TNKS: variants seen among roughly 807,000 people sequenced by gnomAD.
TNKS encodes the protein poly [ADP-ribose] polymerase tankyrase-1.
In TNKS, 72 loss-of-function variants were observed where a neutral mutation model predicts 135.8. The observed-to-expected ratio is 0.53, with a 90% CI of 0.44 to 0.64. The LOEUF (loss-of-function observed/expected upper bound fraction) is 0.64. Among genes scored for constraint, TNKS ranks in the 30% least tolerant of loss-of-function variants. TNKS has a pLI of 0.00. For synonymous variants in TNKS, 849 were observed against 649.3 expected (o/e 1.31, Z -4.68); for missense variants, 1,769 against 1,674.0 (o/e 1.06, Z -0.99).
At chr8:9,586,902 A>G (rs1798402562) in intron 2 of TNKS, among the ~76,000 whole-genome samples, 1 of 152,076 alleles carries the variant, frequency 6.6e-6, no homozygotes, top group Non-Finnish European at 1.5e-5. Flanking sequence ...TGCGAAGAAC[A>G]ATGAAACAGG....
At chr8:9,662,227 C>T (rs572969837) in intron 3 of TNKS, among the ~76,000 whole-genome samples, 12 of 152,318 alleles carry the variant, frequency 7.9e-5, no homozygotes, top group African/African-American at 2.9e-4. Flanking sequence ...CCATTTGACG[C>T]AGCCATCCCA....
At chr8:9,732,814 G>C (rs1805511675) in intron 14 of TNKS, among the ~76,000 whole-genome samples, 1 of 152,006 alleles carries the variant, frequency 6.6e-6, no homozygotes, top group African/African-American at 2.4e-5. Context: ...GAATTACCTG[G>C]ATTATGAATT....
In TNKS at chr8:9,564,169, C is replaced by A. The variant is rs1156834871; in HGVS notation, c.673+7557C>A. Among the ~76,000 whole-genome samples the A allele has an allele frequency of 2.0e-5, 3 of 152,246 alleles. No homozygotes were observed. The East Asian group carries it at 5.8e-4, about 29-fold the overall frequency. ...GGCATTTTATAGATAAAGTCTCTTC[C>A]TGATAGATTACTATTTAGTCTTTTT... is the stretch of plus-strand genomic sequence containing the variant. On this transcript the variant is annotated intron_variant, in intron 1 of 26. Coordinates refer to ENST00000310430, the MANE Select transcript of TNKS (RefSeq NM_003747.3).
chr8:9,719,217 C>G (rs1310307069), intron 11 of TNKS, among the ~76,000 whole-genome samples: 1 of 152,150 alleles, frequency 6.6e-6, no homozygotes, highest in Non-Finnish European at 1.5e-5. Context: ...TGAACCCTTT[C>G]CTGAGTAAGT....
chr8:9,704,821 A>C, intron 6 of TNKS, 64 bp downstream of exon 6: 1 of 1,282,894 alleles, frequency 7.8e-7, no homozygotes, highest in Non-Finnish European at 1.1e-6. Flanking sequence ...AAACTTTTAA[A>C]ACACTAGACA....
intron 5 of TNKS, among the ~76,000 whole-genome samples, chr8:9,703,128 G>C (rs929063293): frequency 4.6e-5 from 7 of 152,208 alleles, no homozygotes; most frequent in Non-Finnish European, 1.0e-4. Context: ...GTAGATGCCT[G>C]AAGCCTCGGA....
At chr8:9,634,047 A>G (rs938898415) in intron 3 of TNKS, among the ~76,000 whole-genome samples, 2 of 150,314 alleles carry the variant, frequency 1.3e-5, no homozygotes, top group African/African-American at 2.4e-5. Flanking sequence ...CTAATACACT[A>G]TAGGAATTAA....
intron 20 of TNKS, among the ~76,000 whole-genome samples, chr8:9,755,942 A>G (rs540685914): frequency 2.0e-5 from 3 of 152,332 alleles, no homozygotes; most frequent in Non-Finnish European, 4.4e-5. Context: ...GCCAAGTTCT[A>G]TGTTGAATAA....
chr8:9,705,887 C>A (rs908318186), intron 6 of TNKS, among the ~76,000 whole-genome samples: 22 of 152,098 alleles, frequency 1.4e-4, no homozygotes, highest in Non-Finnish European at 1.3e-4. Context: ...ACATTTATTT[C>A]TTGTAAATAC....
chr8:9,604,389 G>T (rs1799139169), intron 2 of TNKS, among the ~76,000 whole-genome samples: 1 of 152,050 alleles, frequency 6.6e-6, no homozygotes, highest in Admixed American at 6.5e-5. Context: ...TCCAAGAATA[G>T]GAATATGGGG....
At chr8:9,701,981 T>C (rs1413798361) in intron 5 of TNKS, among the ~76,000 whole-genome samples, 1 of 152,164 alleles carries the variant, frequency 6.6e-6, no homozygotes, top group East Asian at 1.9e-4. Flanking sequence ...TCTGTAATAG[T>C]TTCTGTTGCC....
intron 1 of TNKS, chr8:9,556,843 T>G: frequency 1.7e-6 from 1 of 590,468 alleles, no homozygotes; most frequent in East Asian, 2.8e-5. Flanking sequence ...ACAGTACTCA[T>G]TACAAAACTC....
At chr8:9,598,569 G>A (rs1358601749) in intron 2 of TNKS, among the ~76,000 whole-genome samples, 1 of 151,106 alleles carries the variant, frequency 6.6e-6, no homozygotes, top group Admixed American at 6.6e-5. Flanking sequence ...GGTGGTGCAT[G>A]CCTGTAGTCC....
Position 9,706,831 on chromosome 8 carries a change from C to T in TNKS, c.1290C>T (p.Ala430=). 1.2e-6 allele frequency: 2 copies of T among 1,611,526 alleles called. No homozygotes were observed. Among genetic ancestry groups the T allele is most frequent in the African/African-American group, 1.3e-5 (1 of 74,820 alleles). The change falls in exon 8 of 27, where the codon GCC becomes GCT. Residue 430 remains alanine (A), a synonymous_variant. Coordinates refer to ENST00000310430, the MANE Select transcript of TNKS (RefSeq NM_003747.3). ...LLLKHGACVN[A]MDLWQFTPLH... ...TTCAGCATGGAGCTTGTGTTAATGCCATGGATCTCTGGCAGTTTACTCCAC... is the reference window on the plus strand; with the variant it reads ...TTCAGCATGGAGCTTGTGTTAATGCTATGGATCTCTGGCAGTTTACTCCAC...
At chr8:9,667,393 C>A (rs1464711399) in intron 3 of TNKS, among the ~76,000 whole-genome samples, 1 of 152,222 alleles carries the variant, frequency 6.6e-6, no homozygotes, top group Non-Finnish European at 1.5e-5. Flanking sequence ...TACTTTCCTA[C>A]AGCCCTTGCT....
Position 9,556,242 on chromosome 8 carries a change from C to T in TNKS, c.303C>T (p.Ala101=). Residue 101 remains alanine (A), a synonymous_variant, in exon 1 of 27, where the codon GCC becomes GCT. Coordinates refer to ENST00000310430, the MANE Select transcript of TNKS (RefSeq NM_003747.3). ...CCAGCACAATCTGTACCGTCGCCGC[C>T]GCTCCCGTGGTCCCAGCGGTTTCTA... ...STTSTICTVA[A]APVVPAVSTS... The T allele has an allele frequency of 6.2e-7, 1 of 1,614,236 alleles. No individual in the cohort carries two copies. The highest frequency in any genetic ancestry group is 8.5e-7 in the Non-Finnish European group (1 of 1,180,048).
chr8:9,709,848 ACT>A, intron 9 of TNKS, 105 bp from the exon 10 acceptor site: 4 of 770,756 alleles, frequency 5.2e-6, no homozygotes, highest in South Asian at 5.1e-5. Flanking sequence ...ATGTTCTGAT[ACT>A]CTGAGATAAC....
chr8:9,583,021 G>A (rs1416830498), intron 2 of TNKS, among the ~76,000 whole-genome samples: 1 of 151,946 alleles, frequency 6.6e-6, no homozygotes. Context: ...AAAAAAATTA[G>A]CTGGGTGTGG....
At chr8:9,628,183 C>G (rs1246173332) in intron 3 of TNKS, among the ~76,000 whole-genome samples, 2 of 151,568 alleles carry the variant, frequency 1.3e-5, no homozygotes, top group African/African-American at 2.4e-5. Context: ...AAAAAACATT[C>G]TTTTGTGTCA....
Sources: gnomAD v4.1 joint callset for allele counts (sites outside exome capture counted in the v4.1 genomes callset) on GRCh38, gnomAD v4.1.1 for gene constraint, MANE v1.5 for transcripts, NCBI Gene and HGNC (gene_info 2026-07-23, HGNC 2026-07-21) for gene names.